Variants in ADGRL3 observed in about 807,000 individuals in gnomAD.
ADGRL3 encodes calcium-independent alpha-latrotoxin receptor 3.
In ADGRL3, 62 loss-of-function variants were observed where a neutral mutation model predicts 153.5. That is an observed-to-expected ratio of 0.40 (90% CI 0.33 to 0.50). The LOEUF is 0.50. Among genes scored for constraint, ADGRL3 ranks in the 20% least tolerant of loss-of-function variants. The pLI, the probability that ADGRL3 is intolerant of heterozygous loss-of-function variation, is 0.47. For missense variants in ADGRL3, 1,641 were observed against 1,859.4 expected (o/e 0.88, Z 2.16); for synonymous variants, 710 against 672.5 (o/e 1.06, Z -0.86).
intron 25 of ADGRL3, chr4:62,063,480 C>A: frequency 1.2e-5 from 6 of 485,824 alleles, no homozygotes; most frequent in East Asian, 3.3e-5. Flanking sequence ...TTTTTTTTCT[C>A]TGTCTTTCTA....
At chr4:61,728,657 G>C (rs1057087979) in intron 6 of ADGRL3, among the ~76,000 whole-genome samples, 4 of 152,026 alleles carry the variant, frequency 2.6e-5, no homozygotes, top group Non-Finnish European at 4.4e-5. Flanking sequence ...CTCTGTCTCT[G>C]TATTTATCAG....
chr4:61,581,454 C>T (rs759734869), intron 4 of ADGRL3, among the ~76,000 whole-genome samples: 53 of 152,100 alleles, frequency 3.5e-4, no homozygotes, highest in Non-Finnish European at 6.2e-4. Context: ...ATGCCCTCCA[C>T]GGGACAATTC....
chr4:62,063,493 G>A (rs1256553586), intron 25 of ADGRL3: 1 of 656,272 alleles, frequency 1.5e-6, no homozygotes, highest in Admixed American at 2.2e-5. Context: ...TCTTTCTATG[G>A]GGCTGCTCCA....
intron 13 of ADGRL3, among the ~76,000 whole-genome samples, chr4:61,925,506 A>G (rs961847957): frequency 1.3e-5 from 2 of 152,196 alleles, no homozygotes; most frequent in African/African-American, 2.4e-5. Context: ...TAATTTGCTC[A>G]TGATTCTGCA....
At chr4:61,218,373 C>G (rs577761285) in intron 1 of ADGRL3, among the ~76,000 whole-genome samples, 1 of 151,934 alleles carries the variant, frequency 6.6e-6, no homozygotes, top group African/African-American at 2.4e-5. Flanking sequence ...TGCAGCAGCA[C>G]GATTATGGCT....
intron 13 of ADGRL3, among the ~76,000 whole-genome samples, chr4:61,934,534 A>T (rs568938835): frequency 6.6e-6 from 1 of 152,244 alleles, no homozygotes; most frequent in African/African-American, 2.4e-5. Flanking sequence ...CAGCCAAATA[A>T]TTTAATTATG....
intron 5 of ADGRL3, among the ~76,000 whole-genome samples, chr4:61,602,587 C>T (rs753744807): frequency 6.6e-6 from 1 of 152,072 alleles, no homozygotes; most frequent in Non-Finnish European, 1.5e-5. Flanking sequence ...CCAATCGGTG[C>T]CCACCCTTTG....
At chr4:61,763,540 C>T (rs1404487487) in intron 8 of ADGRL3, among the ~76,000 whole-genome samples, 2 of 152,022 alleles carry the variant, frequency 1.3e-5, no homozygotes, top group South Asian at 2.1e-4. Flanking sequence ...GGCACATTTA[C>T]GAATATACTA....
At chr4:61,984,483 G>A (rs12641732) in intron 19 of ADGRL3, among the ~76,000 whole-genome samples, 13,164 of 152,006 alleles carry the variant, frequency 0.087, 683 homozygotes, top group African/African-American at 0.14. Flanking sequence ...CAGGGGAATC[G>A]CCTGAGCCCA....
intron 1 of ADGRL3, among the ~76,000 whole-genome samples, chr4:61,365,510 C>T (rs2096379274): frequency 2.0e-5 from 3 of 152,154 alleles, no homozygotes; most frequent in Admixed American, 2.0e-4. Context: ...CCTCACTTAC[C>T]CTGTGTTTTC....
rs1735233131 is a variant in ADGRL3, at chr4:61,202,562, T to G, written c.-240+797T>G. ...GGGCGGCCGCGGCGCCGGGGCGGGG[T>G]GGGCAGAGCATTGGTGGTCGCGGTT... is the stretch of plus-strand genomic sequence containing the variant. On this transcript the variant is annotated intron_variant, in intron 1 of 26. Coordinates refer to ENST00000683033, the MANE Select transcript of ADGRL3 (RefSeq NM_001387552.1). This position sits in a 1 kb window ranked among gnomAD's most constrained non-coding sequence, Gnocchi z 5.0. 6.6e-6 allele frequency among the ~76,000 whole-genome samples: 1 copy of G among 150,694 alleles called. No individual in the cohort carries two copies.
At chr4:61,278,532 C>T (rs1264650675) in intron 1 of ADGRL3, among the ~76,000 whole-genome samples, 1 of 152,092 alleles carries the variant, frequency 6.6e-6, no homozygotes, top group Non-Finnish European at 1.5e-5. Flanking sequence ...GAGACGGAGT[C>T]TCACTCTGTT....
chr4:61,219,110 AG>A, intron 1 of ADGRL3, among the ~76,000 whole-genome samples: 1 of 152,182 alleles, frequency 6.6e-6, no homozygotes, highest in African/African-American at 2.4e-5. Context: ...TTCTGGCCTC[AG>A]CTGATTCATG....
chr4:61,517,311 G>A lies in ADGRL3; in HGVS notation c.56-4G>A. On this transcript the variant is annotated splice_region_variant and splice_polypyrimidine_tract_variant and intron_variant, in intron 3 of 26. Transcript: ENST00000683033. ...TCTGATGGTGCGCCCTGCGGTCCCC[G>A]CAGGTGGCAAGCACAGTGAACGACA... The A allele has an allele frequency of 1.4e-6, 1 of 702,544 alleles. No homozygotes were observed. The allele number at this position is 702,544 out of a possible 1,614,324, so 43.5% of individuals were successfully genotyped here.
At chr4:61,706,815 T>G (rs2095865660) in intron 6 of ADGRL3, among the ~76,000 whole-genome samples, 1 of 152,186 alleles carries the variant, frequency 6.6e-6, no homozygotes, top group Non-Finnish European at 1.5e-5. Context: ...ATTCATGTGT[T>G]CAATGGATTA....
chr4:61,346,079 A>G (rs2095897393), intron 1 of ADGRL3, among the ~76,000 whole-genome samples: 1 of 152,102 alleles, frequency 6.6e-6, no homozygotes, highest in Admixed American at 6.6e-5. Flanking sequence ...ATAGATATAA[A>G]CAAATTAGTG....
At chr4:61,414,319 C>T (rs1007953971) in intron 2 of ADGRL3, among the ~76,000 whole-genome samples, 7 of 152,126 alleles carry the variant, frequency 4.6e-5, no homozygotes, top group Non-Finnish European at 7.4e-5. Context: ...GCTTCTCAAA[C>T]GTAAGATACA....
chr4:61,578,820 T>C (rs1190151800), intron 4 of ADGRL3, among the ~76,000 whole-genome samples: 1 of 152,138 alleles, frequency 6.6e-6, no homozygotes, highest in African/African-American at 2.4e-5. Flanking sequence ...ACTTTTTATC[T>C]GTTCCACATC....
chr4:61,207,045 T>TTTA lies in ADGRL3; in HGVS notation c.-240+5300_-240+5302dup, dbSNP rs542169417. Among the ~76,000 whole-genome samples, 283 of 151,000 alleles carry TTTA rather than the reference T, an allele frequency of 1.9e-3. 1 individual carries two copies. Among genetic ancestry groups the TTTA allele is most frequent in the Middle Eastern group, 0.01 (3 of 292 alleles). On this transcript the variant is annotated intron_variant, in intron 1 of 26. Transcript: ENST00000683033. ...AAAAACATGAAGTCACTTTAGGTCA[T>TTTA]TTATTATTATTATTATTATTATACT...
Sources: allele counts gnomAD v4.1 joint callset (sites outside exome capture counted in the v4.1 genomes callset), GRCh38; gene constraint gnomAD v4.1.1; non-coding constraint Gnocchi (gnomAD v3.1); transcripts MANE v1.5; gene names NCBI Gene and HGNC (gene_info 2026-07-23, HGNC 2026-07-21).